Variants in AQP7 observed in about 807,000 individuals in gnomAD.
AQP7 encodes aquaporin-7.
Under a neutral mutation model 26.1 loss-of-function variants are expected in AQP7, and 22 were observed. The observed-to-expected ratio is 0.84, with a 90% CI of 0.60 to 1.20. The LOEUF (loss-of-function observed/expected upper bound fraction) is 1.20, where lower values mean the gene tolerates loss of function less well. Ranked by LOEUF, AQP7 falls within the 50% of genes most tolerant of loss-of-function variation. The pLI is 0.00. For synonymous variants in AQP7, 167 were observed against 181.7 expected, an observed-to-expected ratio of 0.92 and a Z score of 0.65; for missense variants, 412 against 457.5, an observed-to-expected ratio of 0.90 and a Z score of 0.91.
chr9:33,397,003 A>G (rs1825902530), intron 2 of AQP7, among the ~76,000 whole-genome samples: 1 of 145,444 alleles, frequency 6.9e-6, no homozygotes, highest in Non-Finnish European at 1.5e-5. Context: ...GGGGAGGCTG[A>G]GGTGGGAGGA....
At chr9:33,385,437 G>A in intron 7 of AQP7, 147 bp from the exon 8 acceptor site, 2 of 1,027,478 alleles carry the variant, frequency 1.9e-6, no homozygotes, top group Non-Finnish European at 2.8e-6. Context: ...GTCAGCCTCA[G>A]CCCAATTCAG....
chr9:33,400,077 T>C (rs887475591), intron 2 of AQP7, among the ~76,000 whole-genome samples: 1 of 151,900 alleles, frequency 6.6e-6, no homozygotes, highest in Non-Finnish European at 1.5e-5. Context: ...GAGACACCAG[T>C]GGGTCTCTAG....
Position 33,384,877 on chromosome 9 carries a change from A to AG in AQP7, c.*127dup, listed in dbSNP as rs1297018312. Reference sequence around the variant, plus strand: ...ACCTCTACACCTTGGGCTAAGACATAGCCCTGGAGCTCCTGTAAGAACCCA... The same window carrying AG: ...ACCTCTACACCTTGGGCTAAGACATAGGCCCTGGAGCTCCTGTAAGAACCCA... On this transcript the variant is annotated 3_prime_UTR_variant, in exon 8 of 8. Transcript: ENST00000297988. 6 of 1,142,214 alleles carry AG rather than the reference A, an allele frequency of 5.3e-6. No individual in the cohort carries two copies. The highest frequency in any genetic ancestry group is 6.3e-6 in the Non-Finnish European group (5 of 799,958). The allele number at this position is 1,142,214 out of a possible 1,614,324, so 70.8% of individuals were successfully genotyped here.
chr9:33,383,294 A>T lies in AQP7; in HGVS notation c.*1711T>A, dbSNP rs147040371. The T allele has an allele frequency of 6.6e-6, 1 of 152,336 alleles. No homozygotes were observed. The highest frequency in any genetic ancestry group is 1.5e-5 in the Non-Finnish European group (1 of 68,036). 9.4% of individuals were successfully genotyped at this position (152,336 alleles called of 1,614,324 possible). On this transcript the variant is annotated 3_prime_UTR_variant, in exon 8 of 8. Coordinates refer to ENST00000297988, the MANE Select transcript of AQP7 (RefSeq NM_001170.3). ...GAAGACCAAGGCCCAGAAGGGTTGA[A>T]TATCTTGCTCAAGATCACACACATT...
In AQP7 at chr9:33,397,539, G is replaced by T. The variant is rs572939271; in HGVS notation, c.27-2344C>A. ...CTCCTCCCTGGTTTTGTTTCTCTGG[G>T]GTAAGGAATAGAGCAAAGACTGGGA... On this transcript the variant is annotated intron_variant, in intron 2 of 7. Coordinates refer to ENST00000297988, the MANE Select transcript of AQP7 (RefSeq NM_001170.3). 4.6e-5 allele frequency among the ~76,000 whole-genome samples: 7 copies of T among 152,088 alleles called. No homozygotes were observed. The East Asian group carries it at 1.4e-3, about 29-fold the overall frequency.
chr9:33,400,358 T>C lies in AQP7; in HGVS notation c.26+879A>G, dbSNP rs143310329. On this transcript the variant is annotated intron_variant, in intron 2 of 7. Transcript: ENST00000297988. The stretch of plus-strand genomic sequence containing the variant: ...AATAGGGCAGCCAGAGTAATCCTTG[T>C]TGAGAAGGTGGCCTTGGAGCAAAGC... 8.5e-4 allele frequency among the ~76,000 whole-genome samples: 129 copies of C among 152,038 alleles called. 1 individual carries two copies. The highest frequency in any genetic ancestry group is 2.9e-3 in the African/African-American group (122 of 41,470).
At chr9:33,395,448 A>C in intron 2 of AQP7, 1 of 489,976 alleles carries the variant, frequency 2.0e-6, no homozygotes, top group South Asian at 2.7e-5. Context: ...ATGGCACACC[A>C]ATGAGGCCAC....
chr9:33,394,189 T>C (rs571042315), intron 3 of AQP7: 1 of 152,462 alleles, frequency 6.6e-6, no homozygotes, highest in Admixed American at 6.5e-5. Flanking sequence ...CCACATCTTC[T>C]GCTGGCAGAG....
chr9:33,386,575 G>C, intron 4 of AQP7, 34 bp from the exon 5 acceptor site: 1 of 1,602,442 alleles, frequency 6.2e-7, no homozygotes, highest in Admixed American at 1.7e-5. Flanking sequence ...CAGGGAGTGA[G>C]AGCAGAACAA....
At chr9:33,401,699 G>GCACACACA (rs3036353) in intron 1 of AQP7, 1 of 220,160 alleles carries the variant, frequency 4.5e-6, no homozygotes, top group Non-Finnish European at 9.3e-6. Flanking sequence ...ATGCACGCAT[G>GCACACACA]CACACACACA....
chr9:33,385,693 G>T lies in AQP7; in HGVS notation c.699C>A (p.Pro233=), dbSNP rs542743884. ...YAINPSRDLP[P]RIFTFIAGWG... Reference sequence around the variant, plus strand: ...AACCAGCAATGAAGGTGAAGATGCGGGGGGGCAGGTCCCGGGACGGGTTGA... The same window carrying T: ...AACCAGCAATGAAGGTGAAGATGCGTGGGGGCAGGTCCCGGGACGGGTTGA... The change falls in exon 7 of 8, where the codon CCC becomes CCA. Residue 233 remains proline, a synonymous_variant. Transcript: ENST00000297988. 6 of 1,613,966 alleles carry T rather than the reference G, an allele frequency of 3.7e-6. No individual in the cohort carries two copies. The South Asian group carries it at 6.6e-5, about 18-fold the overall frequency.
At chr9:33,392,334 A>C (rs1825485704) in intron 3 of AQP7, among the ~76,000 whole-genome samples, 1 of 151,842 alleles carries the variant, frequency 6.6e-6, no homozygotes, top group Non-Finnish European at 1.5e-5. Context: ...ATTAGACTGC[A>C]CTGGATTTAA....
chr9:33,394,486 C>CTTTTTTTTTTTTTTT (rs56966031), intron 3 of AQP7, among the ~76,000 whole-genome samples: 1 of 115,110 alleles, frequency 8.7e-6, no homozygotes. Flanking sequence ...CTCTCTCTCT[C>CTTTTTTTTTTTTTTT]TTTTTTTTTT....
intron 2 of AQP7, among the ~76,000 whole-genome samples, chr9:33,396,752 A>T (rs1825881183): frequency 6.7e-6 from 1 of 148,988 alleles, no homozygotes; most frequent in African/African-American, 2.5e-5. Context: ...CTTCTTCCAC[A>T]TGCCCCACGG....
intron 3 of AQP7, 131 bp downstream of exon 3, chr9:33,394,947 C>G: frequency 1.2e-6 from 1 of 817,686 alleles, no homozygotes; most frequent in Non-Finnish European, 2.0e-6. Context: ...CCTTACTTTC[C>G]TCTGCTGCTT....
intron 4 of AQP7, 116 bp from the exon 5 acceptor site, chr9:33,386,657 C>T: frequency 1.4e-5 from 19 of 1,376,668 alleles, no homozygotes; most frequent in Non-Finnish European, 1.9e-5. Context: ...ACAGAGCTCT[C>T]TCCTTGAGCC....
intron 3 of AQP7, among the ~76,000 whole-genome samples, chr9:33,390,925 C>G (rs1825334823): frequency 6.6e-6 from 1 of 152,200 alleles, no homozygotes; most frequent in South Asian, 2.1e-4. Context: ...GCCTGGCCGA[C>G]ATGGTGAAAC....
At chr9:33,393,851 AC>A (rs1825621965) in intron 3 of AQP7, 1 of 152,254 alleles carries the variant, frequency 6.6e-6, no homozygotes, top group African/African-American at 2.4e-5. Context: ...TCCTGGTGGA[AC>A]CACTGCCCCC....
intron 2 of AQP7, among the ~76,000 whole-genome samples, chr9:33,400,638 A>G (rs985970607): frequency 2.6e-5 from 4 of 152,028 alleles, no homozygotes; most frequent in Non-Finnish European, 5.9e-5. Flanking sequence ...CAAAATAATA[A>G]TAATAATAAT....
Sources: gnomAD v4.1 joint callset for allele counts (sites outside exome capture counted in the v4.1 genomes callset) on GRCh38, gnomAD v4.1.1 for gene constraint, MANE v1.5 for transcripts, NCBI Gene and HGNC (gene_info 2026-07-23, HGNC 2026-07-21) for gene names.